Variants in CTNNA2 observed in about 807,000 individuals in gnomAD.
CTNNA2 encodes catenin alpha-2.
Under a neutral mutation model 101.0 loss-of-function variants are expected in CTNNA2, and 42 were observed. That is an observed-to-expected ratio of 0.42 (90% CI 0.32 to 0.54). CTNNA2 has a LOEUF of 0.54. Ranked by LOEUF, CTNNA2 falls within the 20% of genes least tolerant of loss-of-function variation. The probability of loss-of-function intolerance (pLI) is 0.14; values close to 1 mark genes in which losing one functional copy is unlikely to be tolerated. For synonymous variants in CTNNA2, 450 were observed against 456.4 expected (o/e 0.99, Z 0.18); for missense variants, 871 against 1,223.1 (o/e 0.71, Z 4.29).
intron 4 of CTNNA2, among the ~76,000 whole-genome samples, chr2:79,460,615 G>A (rs1670867854): frequency 6.6e-6 from 1 of 152,086 alleles, no homozygotes. Context: ...TATCCACAAT[G>A]CTGCCAGAAT....
intron 7 of CTNNA2, among the ~76,000 whole-genome samples, chr2:80,233,958 T>C (rs975054696): frequency 3.3e-5 from 5 of 152,208 alleles, no homozygotes; most frequent in African/African-American, 1.2e-4. Context: ...AAATAAAATA[T>C]GTGTTAGCTA....
At chr2:79,616,909 C>CTTTT (rs1425285033) in intron 1 of CTNNA2, among the ~76,000 whole-genome samples, 1 of 146,428 alleles carries the variant, frequency 6.8e-6, no homozygotes, top group East Asian at 2.0e-4. Context: ...TTCTTTCTTT[C>CTTTT]TTTTTTTTTC....
intron 7 of CTNNA2, among the ~76,000 whole-genome samples, chr2:80,176,468 C>G (rs566243676): frequency 6.6e-6 from 1 of 152,226 alleles, no homozygotes; most frequent in Admixed American, 6.5e-5. Flanking sequence ...CAACTGGTCA[C>G]GTGTCATAGC....
intron 1 of CTNNA2, among the ~76,000 whole-genome samples, chr2:79,596,005 G>A (rs917679853): frequency 6.7e-6 from 1 of 150,316 alleles, no homozygotes. Context: ...TTCTATTCCC[G>A]TCCTCTGGAA....
chr2:80,365,206 A>T (rs1461268787), intron 7 of CTNNA2, among the ~76,000 whole-genome samples: 1 of 152,106 alleles, frequency 6.6e-6, no homozygotes, highest in Non-Finnish European at 1.5e-5. Context: ...AAACCTGTGC[A>T]ATTCCAATCA....
chr2:80,263,975 A>G (rs1234981440), intron 7 of CTNNA2, among the ~76,000 whole-genome samples: 1 of 152,226 alleles, frequency 6.6e-6, no homozygotes, highest in East Asian at 1.9e-4. Flanking sequence ...ATGTCACTGT[A>G]TTTAAATTAT....
chr2:80,336,884 G>A (rs531492350), intron 7 of CTNNA2, among the ~76,000 whole-genome samples: 1 of 152,100 alleles, frequency 6.6e-6, no homozygotes, highest in Non-Finnish European at 1.5e-5. Flanking sequence ...CACTCATGTG[G>A]GAAAGAAGTG....
intron 2 of CTNNA2, among the ~76,000 whole-genome samples, chr2:79,296,467 AT>A (rs1274150761): frequency 6.6e-6 from 1 of 152,190 alleles, no homozygotes; most frequent in East Asian, 1.9e-4. Flanking sequence ...CTTATAAAGC[AT>A]ACCTACTTTT....
At chr2:79,281,258 A>T (rs963449296) in intron 2 of CTNNA2, among the ~76,000 whole-genome samples, 1 of 152,058 alleles carries the variant, frequency 6.6e-6, no homozygotes, top group Non-Finnish European at 1.5e-5. Context: ...CTGATCTGGA[A>T]ATCTGCATCT....
chr2:79,189,830 C>G (rs1673828411), intron 1 of CTNNA2, among the ~76,000 whole-genome samples: 1 of 152,034 alleles, frequency 6.6e-6, no homozygotes, highest in African/African-American at 2.4e-5. Context: ...GTGAAACTGA[C>G]AAGAGACTTT....
intron 3 of CTNNA2, among the ~76,000 whole-genome samples, chr2:79,747,332 G>T (rs1671714476): frequency 6.6e-6 from 1 of 152,060 alleles, no homozygotes; most frequent in African/African-American, 2.4e-5. Context: ...CTGGATAGTT[G>T]TTTTATTTTT....
chr2:80,156,409 T>C (rs1704000208), intron 7 of CTNNA2, among the ~76,000 whole-genome samples: 1 of 152,226 alleles, frequency 6.6e-6, no homozygotes, highest in Non-Finnish European at 1.5e-5. Flanking sequence ...GCTGAGAGTC[T>C]ATCATTTTTC....
intron 1 of CTNNA2, among the ~76,000 whole-genome samples, chr2:79,608,691 T>C (rs1199221360): frequency 6.6e-6 from 1 of 152,088 alleles, no homozygotes; most frequent in Non-Finnish European, 1.5e-5. Flanking sequence ...CAAAAAGCAT[T>C]TGAAAACTTA....
At chr2:80,410,764 C>A (rs1197439977) in intron 8 of CTNNA2, among the ~76,000 whole-genome samples, 1 of 152,162 alleles carries the variant, frequency 6.6e-6, no homozygotes, top group Admixed American at 6.5e-5. Flanking sequence ...CTAATGAAGG[C>A]AGTATTTATG....
intron 7 of CTNNA2, among the ~76,000 whole-genome samples, chr2:80,345,650 G>C (rs1672666418): frequency 1.3e-5 from 2 of 150,822 alleles, no homozygotes; most frequent in Non-Finnish European, 3.0e-5. Flanking sequence ...GCATGGTAGG[G>C]ACTAATTTAA....
chr2:80,458,073 A>G (rs1684130408), intron 9 of CTNNA2, among the ~76,000 whole-genome samples: 1 of 152,204 alleles, frequency 6.6e-6, no homozygotes. Flanking sequence ...ATCCTTGTGT[A>G]GGTGCCAAGA....
upstream of CTNNA2, among the ~76,000 whole-genome samples, chr2:79,511,154 A>C (rs1437251674): frequency 6.6e-6 from 1 of 152,148 alleles, no homozygotes; most frequent in Non-Finnish European, 1.5e-5. Flanking sequence ...GACTAGGACA[A>C]CTTTACTCTT....
At chr2:80,615,490 A>C (rs551638740) in intron 17 of CTNNA2, among the ~76,000 whole-genome samples, 2 of 151,582 alleles carry the variant, frequency 1.3e-5, no homozygotes, top group Non-Finnish European at 3.0e-5. Flanking sequence ...TTTCATGAAA[A>C]GGATAAATTT....
intron 7 of CTNNA2, among the ~76,000 whole-genome samples, chr2:80,195,829 C>T (rs143991656): frequency 2.6e-5 from 4 of 152,038 alleles, no homozygotes; most frequent in African/African-American, 9.6e-5. Context: ...ACCTGTAATC[C>T]CAGAATTTTG....
Sources: gnomAD v4.1 joint callset for allele counts (sites outside exome capture counted in the v4.1 genomes callset) on GRCh38, gnomAD v4.1.1 for gene constraint, MANE v1.5 for transcripts, NCBI Gene and HGNC (gene_info 2026-07-23, HGNC 2026-07-21) for gene names.